ADAMTSL1: variants seen among roughly 807,000 people sequenced by gnomAD.
ADAMTSL1 encodes the protein ADAMTS like 1.
In ADAMTSL1, 126 loss-of-function variants were observed where a neutral mutation model predicts 201.8. That is an observed-to-expected ratio of 0.62 (90% CI 0.54 to 0.72). The LOEUF is 0.72. ADAMTSL1 is among the 30% of genes least tolerant of loss of function. The pLI is 0.00. For missense variants in ADAMTSL1, 2,679 were observed against 2,277.8 expected, an observed-to-expected ratio of 1.18 and a Z score of -3.59; for synonymous variants, 1,121 against 903.4, an observed-to-expected ratio of 1.24 and a Z score of -4.32.
intron 1 of ADAMTSL1, among the ~76,000 whole-genome samples, chr9:18,060,592 T>C (rs908472705): frequency 3.3e-5 from 5 of 152,314 alleles, no homozygotes; most frequent in African/African-American, 1.2e-4. Context: ...TTTCTTATTA[T>C]GCTCTGCCTA....
intron 1 of ADAMTSL1, among the ~76,000 whole-genome samples, chr9:18,046,856 A>G (rs914054925): frequency 6.6e-6 from 1 of 152,130 alleles, no homozygotes; most frequent in African/African-American, 2.4e-5. Context: ...CATCTTTGGA[A>G]TTGTAGGTAA....
chr9:18,710,969 G>A (rs930477057), intron 14 of ADAMTSL1, among the ~76,000 whole-genome samples: 7 of 151,908 alleles, frequency 4.6e-5, no homozygotes, highest in African/African-American at 9.7e-5. Context: ...CAACCAAAAC[G>A]TTACACATAT....
chr9:18,866,967 G>A (rs1217494975), intron 23 of ADAMTSL1, among the ~76,000 whole-genome samples: 4 of 152,170 alleles, frequency 2.6e-5, no homozygotes, highest in Non-Finnish European at 5.9e-5. Flanking sequence ...AGAGGCAAGA[G>A]GAACAAATCC....
intron 1 of ADAMTSL1, among the ~76,000 whole-genome samples, chr9:18,071,059 G>C (rs903429699): frequency 1.3e-5 from 2 of 152,184 alleles, no homozygotes; most frequent in African/African-American, 4.8e-5. Flanking sequence ...TAAGGATCTG[G>C]ATGAGGTCAA....
chr9:18,524,382 G>A (rs1241219237), intron 2 of ADAMTSL1, among the ~76,000 whole-genome samples: 1 of 152,172 alleles, frequency 6.6e-6, no homozygotes, highest in Admixed American at 6.6e-5. Context: ...CATGTCATCT[G>A]CAAACAGGGA....
intron 2 of ADAMTSL1, among the ~76,000 whole-genome samples, chr9:18,197,541 C>G (rs371543077): frequency 2.9e-5 from 4 of 137,502 alleles, no homozygotes; most frequent in Middle Eastern, 3.5e-3. Context: ...TATCCTGAGA[C>G]TTTGCTGAAG....
chr9:18,584,211 A>G (rs1823313331), intron 4 of ADAMTSL1, among the ~76,000 whole-genome samples: 1 of 152,162 alleles, frequency 6.6e-6, no homozygotes, highest in Admixed American at 6.5e-5. Context: ...AGGTGATTGA[A>G]TTATGGGTGC....
chr9:18,060,411 C>T (rs974075101), intron 1 of ADAMTSL1, among the ~76,000 whole-genome samples: 1 of 152,094 alleles, frequency 6.6e-6, no homozygotes, highest in South Asian at 2.1e-4. Context: ...ATTTTATTAA[C>T]TTCATTTCAA....
chr9:18,817,287 G>A, intron 21 of ADAMTSL1, 50 bp downstream of exon 21: 11 of 1,525,104 alleles, frequency 7.2e-6, no homozygotes, highest in Non-Finnish European at 9.7e-6. Flanking sequence ...CCCTGTGCTA[G>A]GTTGGGGATA....
At chr9:18,015,219 A>G (rs1323089473) in intron 1 of ADAMTSL1, among the ~76,000 whole-genome samples, 2 of 152,044 alleles carry the variant, frequency 1.3e-5, no homozygotes, top group South Asian at 2.1e-4. Context: ...GTCTAGGCTC[A>G]TGCTTGCTTC....
At chr9:18,318,898 A>G (rs1308922054) in intron 2 of ADAMTSL1, among the ~76,000 whole-genome samples, 1 of 152,186 alleles carries the variant, frequency 6.6e-6, no homozygotes, top group Non-Finnish European at 1.5e-5. Context: ...CCACAACTTT[A>G]TTATTGATAC....
At chr9:18,594,179 G>A (rs915485292) in intron 4 of ADAMTSL1, among the ~76,000 whole-genome samples, 5 of 151,892 alleles carry the variant, frequency 3.3e-5, no homozygotes, top group Non-Finnish European at 5.9e-5. Flanking sequence ...CGTTCTGAGC[G>A]TATTTTCCCA....
At chr9:18,812,102 A>G in intron 20 of ADAMTSL1, among the ~76,000 whole-genome samples, 1 of 152,358 alleles carries the variant, frequency 6.6e-6, no homozygotes, top group South Asian at 2.1e-4. Context: ...AGATTATTCT[A>G]AAATGTATAT....
In ADAMTSL1 at chr9:18,581,506, C is replaced by A. The variant is rs370523057; in HGVS notation, c.474+7240C>A. Among the ~76,000 whole-genome samples, 4 of 152,170 alleles carry A rather than the reference C, an allele frequency of 2.6e-5. 1 individual carries two copies. In the East Asian group the frequency reaches 7.7e-4, roughly 29 times the overall value. ...TCCCAATATCCCAAAAGTTTTAACC[C>A]ATTTCAGAGTCAACTGTAACTCTAA... On this transcript the variant is annotated intron_variant, in intron 4 of 28. Transcript: ENST00000380548.
chr9:18,330,505 A>T (rs1336057267), intron 2 of ADAMTSL1, among the ~76,000 whole-genome samples: 1 of 151,398 alleles, frequency 6.6e-6, no homozygotes, highest in East Asian at 1.9e-4. Flanking sequence ...CTTGCTTTCC[A>T]TGTGGATGCC....
At chr9:18,236,151 A>C (rs1207062918) in intron 2 of ADAMTSL1, among the ~76,000 whole-genome samples, 1 of 152,050 alleles carries the variant, frequency 6.6e-6, no homozygotes, top group Non-Finnish European at 1.5e-5. Context: ...GCTCACTGCA[A>C]CCTCCGCCTC....
chr9:18,536,038 G>A (rs1446211739), intron 3 of ADAMTSL1, among the ~76,000 whole-genome samples: 1 of 152,132 alleles, frequency 6.6e-6, no homozygotes, highest in Non-Finnish European at 1.5e-5. Context: ...TCAAGTTGAT[G>A]CTGAATTTTT....
At chr9:18,094,823 C>T (rs1348363466) in intron 1 of ADAMTSL1, among the ~76,000 whole-genome samples, 2 of 151,338 alleles carry the variant, frequency 1.3e-5, no homozygotes, top group Non-Finnish European at 2.9e-5. Context: ...GCCTCAGCCT[C>T]CCAAAGTACC....
At chr9:18,422,051 A>T (rs1435700297) in intron 2 of ADAMTSL1, among the ~76,000 whole-genome samples, 1 of 152,160 alleles carries the variant, frequency 6.6e-6, no homozygotes, top group Non-Finnish European at 1.5e-5. Flanking sequence ...GTAGTCATTT[A>T]AATGTTGTAC....
Sources: allele counts gnomAD v4.1 joint callset (sites outside exome capture counted in the v4.1 genomes callset), GRCh38; gene constraint gnomAD v4.1.1; transcripts MANE v1.5; gene names NCBI Gene and HGNC (gene_info 2026-07-23, HGNC 2026-07-21).